NFIL3: variants seen among roughly 807,000 people sequenced by gnomAD.
NFIL3 encodes nuclear factor, interleukin 3 regulated, also known as nuclear factor interleukin-3-regulated protein.
In NFIL3, 5 loss-of-function variants were observed where a neutral mutation model predicts 10.0. The ratio of observed to expected loss-of-function variants is 0.50; its 90% CI spans 0.26 to 1.06. The LOEUF is 1.06. Ranked by LOEUF, NFIL3 falls within the 50% of genes least tolerant of loss-of-function variation. The pLI is 0.13. For missense variants in NFIL3, 436 were observed against 547.6 expected, an observed-to-expected ratio of 0.80 and a Z score of 2.03; for synonymous variants, 202 against 206.5, an observed-to-expected ratio of 0.98 and a Z score of 0.19.
At chr9:91,454,624 G>A in the NFIL3 span, among the ~76,000 whole-genome samples, 1 of 152,158 alleles carries the variant, frequency 6.6e-6, no homozygotes, top group African/African-American at 2.4e-5. Flanking sequence ...CTGAGGTCAG[G>A]AGTTTGAGCC....
At chr9:91,425,258 A>T (rs1444992598), upstream of NFIL3, among the ~76,000 whole-genome samples, 2 of 152,226 alleles carry the variant, frequency 1.3e-5, no homozygotes, top group African/African-American at 2.4e-5. Context: ...CCCAGGTACC[A>T]TCCCTAGTGT....
chr9:91,440,930 G>A, the NFIL3 span, among the ~76,000 whole-genome samples: 1 of 152,088 alleles, frequency 6.6e-6, no homozygotes, highest in Admixed American at 6.5e-5. Flanking sequence ...AACATACAGT[G>A]TATCCTGGAG....
the NFIL3 span, among the ~76,000 whole-genome samples, chr9:91,430,944 G>T: frequency 5.3e-5 from 8 of 152,300 alleles, no homozygotes; most frequent in Admixed American, 5.2e-4. Context: ...AAGATGTATG[G>T]GTATTCTACA....
At chr9:91,475,412 A>G in the NFIL3 span, among the ~76,000 whole-genome samples, 1 of 152,224 alleles carries the variant, frequency 6.6e-6, no homozygotes, top group Non-Finnish European at 1.5e-5. Flanking sequence ...ATTCCTCTAA[A>G]TACATCTTGG....
At position 91,410,031 on chromosome 9, in the gene NFIL3, T is replaced by C; in HGVS notation, c.704A>G (p.Asp235Gly). ...GATGGACGCTGTGTAAGAGCCTCGG[T>C]CATCTCTTGGCTCCCTTGTGTAGCT... ...LESYTREPRD[D>G]RGSYTASIYQ... is the part of the protein sequence containing the mutation. The change falls in exon 2 of 2, where the codon GAC (aspartate) becomes GGC (glycine). Residue 235 changes from aspartate to glycine, a missense_variant. Around this residue, in one of 3 missense-constraint regions of NFIL3, gnomAD observed 338 missense variants for 399.9 expected, o/e 0.85. Coordinates refer to ENST00000297689, the MANE Select transcript of NFIL3 (RefSeq NM_005384.3). This position sits in a 1 kb window ranked among gnomAD's most constrained non-coding sequence, Gnocchi z 5.7. 1.2e-6 allele frequency: 2 copies of C among 1,612,718 alleles called. No individual in the cohort carries two copies. The highest frequency in any genetic ancestry group is 1.7e-6 in the Non-Finnish European group (2 of 1,179,966).
At chr9:91,427,502 C>T (rs1352493743), upstream of NFIL3, among the ~76,000 whole-genome samples, 1 of 152,204 alleles carries the variant, frequency 6.6e-6, no homozygotes, top group African/African-American at 2.4e-5. Flanking sequence ...TGCATCAGGG[C>T]TCCTGTGTGC....
the NFIL3 span, among the ~76,000 whole-genome samples, chr9:91,443,943 A>T: frequency 6.6e-6 from 1 of 152,240 alleles, no homozygotes; most frequent in Non-Finnish European, 1.5e-5. Context: ...GATAACTTTA[A>T]GCTTCATGAA....
chr9:91,433,314 T>C, the NFIL3 span, among the ~76,000 whole-genome samples: 1 of 152,232 alleles, frequency 6.6e-6, no homozygotes, highest in African/African-American at 2.4e-5. Context: ...TATGTTTCAG[T>C]TTCCTCCTCT....
chr9:91,457,206 T>C, the NFIL3 span, among the ~76,000 whole-genome samples: 9 of 152,066 alleles, frequency 5.9e-5, no homozygotes, highest in East Asian at 1.2e-3. Flanking sequence ...TTCCAATCTT[T>C]TGAATTTTAA....
the NFIL3 span, among the ~76,000 whole-genome samples, chr9:91,431,258 G>T: frequency 6.6e-6 from 1 of 152,168 alleles, no homozygotes; most frequent in Non-Finnish European, 1.5e-5. Context: ...TTAGTGTAGG[G>T]AAATGGTTCA....
the NFIL3 span, among the ~76,000 whole-genome samples, chr9:91,436,032 T>A: frequency 6.6e-6 from 1 of 152,192 alleles, no homozygotes; most frequent in Admixed American, 6.5e-5. Context: ...ACTCACAGAA[T>A]CTGTGGCAAG....
At chr9:91,449,343 C>T in the NFIL3 span, among the ~76,000 whole-genome samples, 53 of 152,162 alleles carry the variant, frequency 3.5e-4, no homozygotes, top group East Asian at 9.8e-3. Flanking sequence ...GCGGGTTTTT[C>T]GTAAATGCTC....
chr9:91,463,013 A>C, the NFIL3 span, among the ~76,000 whole-genome samples: 4 of 151,980 alleles, frequency 2.6e-5, no homozygotes, highest in East Asian at 7.7e-4. Flanking sequence ...TTATCCTTTT[A>C]ATATCTATAG....
At chr9:91,469,321 G>C in the NFIL3 span, among the ~76,000 whole-genome samples, 1 of 152,040 alleles carries the variant, frequency 6.6e-6, no homozygotes, top group Non-Finnish European at 1.5e-5. Context: ...TCATGATTTG[G>C]CTCTCTGTTT....
the NFIL3 span, among the ~76,000 whole-genome samples, chr9:91,464,343 A>G: frequency 0.2 from 29,832 of 151,900 alleles, 3,486 homozygotes; most frequent in East Asian, 0.49. Context: ...TCCTAGAGTT[A>G]ACACAATATA....
At chr9:91,478,969 G>GC in the NFIL3 span, among the ~76,000 whole-genome samples, 1 of 152,218 alleles carries the variant, frequency 6.6e-6, no homozygotes, top group African/African-American at 2.4e-5. Context: ...GGTATCAGCA[G>GC]CAGAGGCTGC....
At chr9:91,452,408 T>G in the NFIL3 span, among the ~76,000 whole-genome samples, 3 of 151,756 alleles carry the variant, frequency 2.0e-5, no homozygotes, top group Non-Finnish European at 4.4e-5. Flanking sequence ...TTTTCAGTTG[T>G]CCTACATTTC....
the NFIL3 span, among the ~76,000 whole-genome samples, chr9:91,463,083 C>G: frequency 2.0e-5 from 3 of 151,658 alleles, no homozygotes; most frequent in Non-Finnish European, 4.4e-5. Flanking sequence ...ACATTTTTAT[C>G]TTGGTTAACC....
chr9:91,472,925 C>T, the NFIL3 span, among the ~76,000 whole-genome samples: 2 of 152,226 alleles, frequency 1.3e-5, no homozygotes, highest in East Asian at 3.9e-4. Context: ...GATGCTATTC[C>T]TTTCTATTTG....
Sources: gnomAD v4.1 joint callset for allele counts (sites outside exome capture counted in the v4.1 genomes callset) on GRCh38, gnomAD v4.1.1 for gene constraint, gnomAD v4.1.1 regional missense constraint, Gnocchi (gnomAD v3.1) non-coding constraint, MANE v1.5 for transcripts, NCBI Gene and HGNC (gene_info 2026-07-23, HGNC 2026-07-21) for gene names.